Variants in EFCAB6 observed in about 807,000 individuals in gnomAD.
EFCAB6 encodes EF-hand calcium-binding domain-containing protein 6.
In EFCAB6, 156 loss-of-function variants were observed where a neutral mutation model predicts 169.8. That is an observed-to-expected ratio of 0.92 (90% CI 0.81 to 1.05). The LOEUF (loss-of-function observed/expected upper bound fraction) is 1.05. EFCAB6 is among the 50% of genes least tolerant of loss of function. The pLI is 0.00. For synonymous variants in EFCAB6, 698 were observed against 676.4 expected, an observed-to-expected ratio of 1.03 and a Z score of -0.50; for missense variants, 1,800 against 1,829.1, an observed-to-expected ratio of 0.98 and a Z score of 0.29.
chr22:43,738,978 G>A (rs748862567), intron 6 of EFCAB6, among the ~76,000 whole-genome samples: 4 of 152,134 alleles, frequency 2.6e-5, no homozygotes, highest in Non-Finnish European at 4.4e-5. Flanking sequence ...CCCCAGGCAA[G>A]GAAGTGCTCC....
chr22:43,806,675 C>T (rs894106365), intron 2 of EFCAB6, among the ~76,000 whole-genome samples: 1 of 152,192 alleles, frequency 6.6e-6, no homozygotes, highest in Non-Finnish European at 1.5e-5. Flanking sequence ...CAACACACCA[C>T]GTAGTTCCTC....
At chr22:43,690,497 C>A (rs1255928332) in intron 10 of EFCAB6, among the ~76,000 whole-genome samples, 1 of 146,874 alleles carries the variant, frequency 6.8e-6, no homozygotes, top group African/African-American at 2.5e-5. Context: ...GCCTGGGCGA[C>A]AGAGCAAGAC....
At chr22:43,804,761 A>C (rs1420084547) in intron 2 of EFCAB6, among the ~76,000 whole-genome samples, 1 of 55,912 alleles carries the variant, frequency 1.8e-5, no homozygotes, top group Non-Finnish European at 4.9e-5. Flanking sequence ...CCTGCCTCAA[A>C]AAAAAAAAAA....
At chr22:43,708,752 T>G (rs139846328) in intron 10 of EFCAB6, among the ~76,000 whole-genome samples, 1 of 151,600 alleles carries the variant, frequency 6.6e-6, no homozygotes, top group African/African-American at 2.4e-5. Flanking sequence ...GGCTATGATA[T>G]AATAGTAAAG....
At chr22:43,788,330 T>C (rs1334673082) in intron 2 of EFCAB6, among the ~76,000 whole-genome samples, 1 of 152,214 alleles carries the variant, frequency 6.6e-6, no homozygotes, top group Non-Finnish European at 1.5e-5. Context: ...GCCAATCATA[T>C]ATCTGATAAG....
chr22:43,698,894 T>C (rs1452443390), intron 10 of EFCAB6, among the ~76,000 whole-genome samples: 1 of 152,206 alleles, frequency 6.6e-6, no homozygotes, highest in Non-Finnish European at 1.5e-5. Flanking sequence ...AGCTCAATTG[T>C]ATGTGGTTTC....
chr22:43,647,062 G>T (rs1321100284), intron 17 of EFCAB6, among the ~76,000 whole-genome samples: 4 of 152,094 alleles, frequency 2.6e-5, no homozygotes, highest in Non-Finnish European at 5.9e-5. Context: ...GGCTGTGCAC[G>T]TGGGGACAGG....
chr22:43,759,602 T>C (rs953692999), intron 5 of EFCAB6: 1 of 152,218 alleles, frequency 6.6e-6, no homozygotes, highest in Admixed American at 6.5e-5. Flanking sequence ...GAGATGATGA[T>C]GTTTCTACCA....
At chr22:43,754,695 G>GCATCTCCA in intron 6 of EFCAB6, among the ~76,000 whole-genome samples, 1 of 152,218 alleles carries the variant, frequency 6.6e-6, no homozygotes, top group East Asian at 1.9e-4. Context: ...GCCTTTGTCT[G>GCATCTCCA]CATCTCCACA....
intron 27 of EFCAB6, 55 bp from the exon 28 acceptor site, chr22:43,540,412 C>A (rs774693131): frequency 1.2e-6 from 2 of 1,608,460 alleles, no homozygotes; most frequent in South Asian, 2.2e-5. Context: ...CAGGCAGCGT[C>A]GCACCTGTGC....
At chr22:43,660,588 C>G (rs1471135190) in intron 17 of EFCAB6, among the ~76,000 whole-genome samples, 1 of 151,236 alleles carries the variant, frequency 6.6e-6, no homozygotes, top group African/African-American at 2.4e-5. Context: ...TTTTCCAACC[C>G]CCCTTATAGA....
At chr22:43,599,503 C>T (rs2052320203) in intron 23 of EFCAB6, among the ~76,000 whole-genome samples, 1 of 80,662 alleles carries the variant, frequency 1.2e-5, no homozygotes, top group Admixed American at 1.9e-4. Flanking sequence ...GAGTGAGATT[C>T]CATCTCAAAA....
chr22:43,784,676 TACAC>T (rs571679900), intron 2 of EFCAB6, among the ~76,000 whole-genome samples: 5,364 of 63,108 alleles, frequency 0.085, 411 homozygotes, highest in African/African-American at 0.11. Flanking sequence ...TATACATATA[TACAC>T]ACACACACAC....
chr22:43,770,498 C>A (rs1424669960), intron 4 of EFCAB6, among the ~76,000 whole-genome samples: 2 of 152,122 alleles, frequency 1.3e-5, no homozygotes, highest in African/African-American at 2.4e-5. Context: ...AGTTGAAAGA[C>A]ATATGCTCAT....
rs76533932 is a variant in EFCAB6 at position 43,714,625 on chromosome 22, C to T, written c.882+2223G>A. Among the ~76,000 whole-genome samples, 248 of 151,058 alleles carry T rather than the reference C, an allele frequency of 1.6e-3. 1 individual carries two copies. Among genetic ancestry groups the T allele is most frequent in the African/African-American group, 5.5e-3 (225 of 41,244 alleles). ...TGACTCCAGGTTATTTTCACAGCAACATCCAATGCTAGAAGACAATGGAAA... is the reference window on the plus strand; with the variant it reads ...TGACTCCAGGTTATTTTCACAGCAATATCCAATGCTAGAAGACAATGGAAA... On this transcript the variant is annotated intron_variant, in intron 9 of 31. Transcript: ENST00000262726.
intron 3 of EFCAB6, among the ~76,000 whole-genome samples, chr22:43,774,661 A>G (rs1189203776): frequency 6.6e-6 from 1 of 151,520 alleles, no homozygotes; most frequent in Non-Finnish European, 1.5e-5. Context: ...TAAACAGAGG[A>G]TGGCTGGTTT....
chr22:43,569,798 A>G (rs1055599271), intron 26 of EFCAB6, among the ~76,000 whole-genome samples: 4 of 152,258 alleles, frequency 2.6e-5, no homozygotes, highest in African/African-American at 9.6e-5. Flanking sequence ...TTCAAGGGAA[A>G]TAGTTAAAAT....
In EFCAB6 at chr22:43,658,081, T is replaced by G. The variant is rs7288909; in HGVS notation, c.1983+9023A>C. 9.3e-3 allele frequency among the ~76,000 whole-genome samples: 1,410 copies of G among 151,726 alleles called. 20 individuals carry two copies. The highest frequency in any genetic ancestry group is 0.033 in the African/African-American group (1,354 of 41,350). ...CCGTCTCTACTAAAAATACAAAAAT[T>G]ATCCGGGTATGGTGGCGGGGACCTG... On this transcript the variant is annotated intron_variant, in intron 17 of 31. Coordinates refer to ENST00000262726, the MANE Select transcript of EFCAB6 (RefSeq NM_022785.4).
intron 19 of EFCAB6, among the ~76,000 whole-genome samples, chr22:43,627,606 G>A (rs2054616895): frequency 6.6e-6 from 1 of 152,162 alleles, no homozygotes; most frequent in Admixed American, 6.5e-5. Context: ...CGGGGCCAAT[G>A]CCTGTTTCCC....
Sources: gnomAD v4.1 joint callset for allele counts (sites outside exome capture counted in the v4.1 genomes callset) on GRCh38, gnomAD v4.1.1 for gene constraint, MANE v1.5 for transcripts, NCBI Gene and HGNC (gene_info 2026-07-23, HGNC 2026-07-21) for gene names.